The following PIEZO1 variants were observed in gnomAD, a reference collection of about 807,000 sequenced individuals.
PIEZO1 encodes piezo type mechanosensitive ion channel component 1 (Er blood group).
Under a neutral mutation model 297.2 loss-of-function variants are expected in PIEZO1, and 296 were observed. The observed-to-expected ratio is 1.00, with a 90% CI of 0.91 to 1.10. PIEZO1 has a LOEUF of 1.10. Among genes scored for constraint, PIEZO1 ranks in the 50% least tolerant of loss-of-function variants. PIEZO1 has a pLI of 0.00. For missense variants in PIEZO1, 5,018 were observed against 3,455.5 expected, an observed-to-expected ratio of 1.45 and a Z score of -11.34; for synonymous variants, 2,427 against 1,507.5, an observed-to-expected ratio of 1.61 and a Z score of -14.13.
At position 88,721,313 on chromosome 16, in the gene PIEZO1, G is replaced by A; in HGVS notation, c.5521C>T (p.His1841Tyr). The A allele has an allele frequency of 1.9e-6, 3 of 1,546,090 alleles. No individual in the cohort carries two copies. The highest frequency in any genetic ancestry group is 2.6e-6 in the Non-Finnish European group (3 of 1,146,718). The change falls in exon 39 of 51, where the codon CAC becomes TAC. Residue 1841 changes from histidine (H) to tyrosine (Y), a missense_variant. Coordinates refer to ENST00000301015, the MANE Select transcript of PIEZO1 (RefSeq NM_001142864.4). ...PGVPAATTED[H>Y]IQVEARVGPT... ...CCGACCCTGGCTTCCACCTGAATGT[G>A]GTCTTCGGTGGTGGCCGCAGGCACC...
chr16:88,720,711 CTCTTCCTCCCCCTCT>C lies in PIEZO1; in HGVS notation c.5691_5705del (p.Glu1898_Glu1902del), dbSNP rs1471733118. 5.9e-6 allele frequency: 9 copies of C among 1,532,598 alleles called. No individual in the cohort carries two copies. Among genetic ancestry groups the C allele is most frequent in the African/African-American group, 4.2e-5 (3 of 71,936 alleles). 94.9% of individuals were successfully genotyped at this position (1,532,598 alleles called of 1,614,324 possible). A position where few individuals can be genotyped will look rare whatever the true frequency, so the allele number is the denominator to read the frequency against. ...TCTCTCTCCCCGTGGGGGCCTCTTT[CTCTTCCTCCCCCTCT>C]TCTTCCTCCCTGTCCTCAGCTTCTG... On this transcript the variant is annotated inframe_deletion, in exon 40 of 51. Coordinates refer to ENST00000301015, the MANE Select transcript of PIEZO1 (RefSeq NM_001142864.4).
chr16:88,749,614 C>T lies in PIEZO1; in HGVS notation c.65-135G>A, dbSNP rs536283487. 4.6e-5 allele frequency: 30 copies of T among 652,486 alleles called. No individual in the cohort carries two copies. The South Asian group carries it at 4.9e-4, about 11-fold the overall frequency. 40.4% of individuals were successfully genotyped at this position (652,486 alleles called of 1,614,324 possible). On this transcript the variant is annotated intron_variant, in intron 1 of 50. Transcript: ENST00000301015. Reference sequence around the variant, plus strand: ...TGTGAGTGCTGCCCTGAGCCAGAGCCGTGGAAGCCGCCTCGCGCTTCCGTA... The same window carrying T: ...TGTGAGTGCTGCCCTGAGCCAGAGCTGTGGAAGCCGCCTCGCGCTTCCGTA...
intron 31 of PIEZO1, 52 bp from the exon 32 acceptor site, chr16:88,723,380 G>A (rs1340719223): frequency 4.3e-5 from 66 of 1,530,866 alleles, no homozygotes; most frequent in Non-Finnish European, 5.2e-5. Flanking sequence ...ATCAGACCCA[G>A]GCGGGAAGCT....
intron 1 of PIEZO1, among the ~76,000 whole-genome samples, chr16:88,754,783 G>C (rs888396567): frequency 6.6e-6 from 1 of 152,216 alleles, no homozygotes; most frequent in East Asian, 1.9e-4. Context: ...GCCGAGAGCA[G>C]GACGTGGTGC....
chr16:88,734,949 T>C lies in PIEZO1; in HGVS notation c.1774A>G (p.Ser592Gly), dbSNP rs913917072. ...TAGACCACGAGGCGGCCGGCGAAGCTGACCACGATGAACATGCCAGCACAC... is the reference window on the plus strand; with the variant it reads ...TAGACCACGAGGCGGCCGGCGAAGCCGACCACGATGAACATGCCAGCACAC... ...YVCAGMFIVVSFAGRLVVYKI... is the reference protein window; with the variant it reads ...YVCAGMFIVVGFAGRLVVYKI... The change falls in exon 14 of 51, where the codon AGC becomes GGC. Residue 592 changes from serine to glycine, a missense_variant. Ser to Gly is a moderately conservative substitution (Grantham distance 56). Transcript: ENST00000301015. 11 of 1,550,498 alleles carry C rather than the reference T, an allele frequency of 7.1e-6. No homozygotes were observed. The highest frequency in any genetic ancestry group is 8.7e-6 in the Non-Finnish European group (10 of 1,146,976).
At position 88,785,051 on chromosome 16, in the gene PIEZO1, G is replaced by T; in HGVS notation, c.-87C>A. On this transcript the variant is annotated 5_prime_UTR_variant, in exon 1 of 51. Transcript: ENST00000301015. ...GGGGGCCCCGGGGCCGGCGCGCCATGGCTGACCCGCGGGGACCCGCGCGCC... is the reference window on the plus strand; with the variant it reads ...GGGGGCCCCGGGGCCGGCGCGCCATTGCTGACCCGCGGGGACCCGCGCGCC... The T allele has an allele frequency of 1.2e-6, 1 of 803,122 alleles. No homozygotes were observed. Among genetic ancestry groups the T allele is most frequent in the Non-Finnish European group, 1.6e-6 (1 of 614,478 alleles). 49.7% of individuals were successfully genotyped at this position (803,122 alleles called of 1,614,324 possible).
At chr16:88,740,173 G>A (rs1161500313) in intron 5 of PIEZO1, 1 of 152,294 alleles carries the variant, frequency 6.6e-6, no homozygotes, top group Non-Finnish European at 1.5e-5. Context: ...AAACACGTGT[G>A]TGTGTTGCCC....
In PIEZO1 at chr16:88,738,624, T is replaced by A. The variant is rs748609791; in HGVS notation, c.578A>T (p.His193Leu). The A allele has an allele frequency of 6.5e-7, 1 of 1,535,676 alleles. No homozygotes were observed. The highest frequency in any genetic ancestry group is 2.0e-5 in the Admixed American group (1 of 51,000). ...CCGCCCAGCCGCCACCAGCAGCCAGTGGGCCGTGACTCGGAAACGAGCGGC... is the reference window on the plus strand; with the variant it reads ...CCGCCCAGCCGCCACCAGCAGCCAGAGGGCCGTGACTCGGAAACGAGCGGC... ...RLAARFRVTA[H>L]WLLVAAGRVL... Residue 193 changes from histidine to leucine, a missense_variant, in exon 6 of 51, where the codon CAC becomes CTC. Physicochemically the swap from His to Leu is moderately conservative, Grantham distance 99. Transcript: ENST00000301015.
In PIEZO1 at chr16:88,716,748, C is replaced by G; in HGVS notation, c.6754-17G>C. On this transcript the variant is annotated splice_polypyrimidine_tract_variant and intron_variant, in intron 46 of 50. Coordinates refer to ENST00000301015, the MANE Select transcript of PIEZO1 (RefSeq NM_001142864.4). ...CATGGCCAGCTGGGTACAAGTGACA[C>G]CCTCAGTGACTGCAGCCGCCTCCCC... The G allele has an allele frequency of 6.5e-7, 1 of 1,548,414 alleles. No homozygotes were observed. The highest frequency in any genetic ancestry group is 8.7e-7 in the Non-Finnish European group (1 of 1,146,838).
At chr16:88,754,804 C>A (rs900995175) in intron 1 of PIEZO1, among the ~76,000 whole-genome samples, 1 of 152,212 alleles carries the variant, frequency 6.6e-6, no homozygotes, top group Non-Finnish European at 1.5e-5. Context: ...AGAAAGACTG[C>A]GGCCCACACG....
At chr16:88,723,689 A>G (rs574076244) in intron 31 of PIEZO1, among the ~76,000 whole-genome samples, 182 bp downstream of exon 31, 1 of 152,372 alleles carries the variant, frequency 6.6e-6, no homozygotes, top group South Asian at 2.1e-4. Flanking sequence ...CACATGACCC[A>G]TGTCCCTGTA....
chr16:88,770,906 T>C (rs912394703), intron 1 of PIEZO1, among the ~76,000 whole-genome samples: 5 of 152,138 alleles, frequency 3.3e-5, no homozygotes, highest in Admixed American at 1.3e-4. Flanking sequence ...GCTCTAACTA[T>C]AGGAATCCGG....
intron 1 of PIEZO1, among the ~76,000 whole-genome samples, chr16:88,774,440 T>C (rs952691019): frequency 1.3e-5 from 2 of 152,128 alleles, no homozygotes; most frequent in African/African-American, 4.8e-5. Context: ...AAGACACCCG[T>C]GGGTGCTGAA....
At chr16:88,759,751 C>T (rs1567688639) in intron 1 of PIEZO1, among the ~76,000 whole-genome samples, 2 of 152,150 alleles carry the variant, frequency 1.3e-5, no homozygotes, top group East Asian at 1.9e-4. Context: ...GCCCAGGGGA[C>T]GGGGGGAAGC....
intron 12 of PIEZO1, 132 bp downstream of exon 12, chr16:88,736,016 C>T (rs1165723876): frequency 6.7e-6 from 6 of 900,816 alleles, no homozygotes; most frequent in Admixed American, 2.7e-5. Flanking sequence ...TCTGGGTGGG[C>T]AGAAGGGGAC....
rs1463767541 is a variant in PIEZO1, at chr16:88,727,198, G to A, written c.3302-6C>T. ...CAGCAGCAGGAGAAAGTCGCCTGCA[G>A]GACACAGGAGCCGCCGCTGTGCCAC... On this transcript the variant is annotated splice_polypyrimidine_tract_variant and splice_region_variant and intron_variant, in intron 23 of 50. Coordinates refer to ENST00000301015, the MANE Select transcript of PIEZO1 (RefSeq NM_001142864.4). The A allele has an allele frequency of 3.3e-6, 5 of 1,530,954 alleles. No homozygotes were observed. The highest frequency in any genetic ancestry group is 4.9e-5 in the East Asian group (2 of 40,546). 94.8% of individuals were successfully genotyped at this position (1,530,954 alleles called of 1,614,324 possible).
chr16:88,755,923 C>T (rs1437933963), intron 1 of PIEZO1, among the ~76,000 whole-genome samples: 2 of 152,150 alleles, frequency 1.3e-5, no homozygotes, highest in Non-Finnish European at 2.9e-5. Context: ...GGTGGCAATT[C>T]CTGGGTTCCC....
rs749100929 is a variant in PIEZO1, at chr16:88,738,214, G to A, written c.848+13C>T. The stretch of plus-strand genomic sequence containing the variant: ...GGGTGGCAGGAAAAAGGGGCTGTGT[G>A]GCAAGCCGTTACCTAGCCCAGATGC... On this transcript the variant is annotated intron_variant, in intron 7 of 50. Coordinates refer to ENST00000301015, the MANE Select transcript of PIEZO1 (RefSeq NM_001142864.4). The A allele has an allele frequency of 4.6e-6, 7 of 1,534,848 alleles. No individual in the cohort carries two copies. Among genetic ancestry groups the A allele is most frequent in the East Asian group, 4.9e-5 (2 of 40,904 alleles).
rs770482183 is a variant in PIEZO1 at position 88,716,940 on chromosome 16, G to A, written c.6661-42C>T. 7 of 1,546,268 alleles carry A rather than the reference G, an allele frequency of 4.5e-6. No individual in the cohort carries two copies. In the South Asian group the frequency reaches 7.1e-5, roughly 16 times the overall value. ...GACACGGGGCCACGAAGATGAGCGT[G>A]GAGGAGCGGCTGGGGGTGGTGCACC... On this transcript the variant is annotated intron_variant, in intron 45 of 50. Coordinates refer to ENST00000301015, the MANE Select transcript of PIEZO1 (RefSeq NM_001142864.4).
Sources: allele counts gnomAD v4.1 joint callset (sites outside exome capture counted in the v4.1 genomes callset), GRCh38; gene constraint gnomAD v4.1.1; transcripts MANE v1.5; gene names NCBI Gene and HGNC (gene_info 2026-07-23, HGNC 2026-07-21).